IQSEC1: variants seen among roughly 807,000 people sequenced by gnomAD.
The protein encoded by IQSEC1 is IQ motif and Sec7 domain ArfGEF 1.
In IQSEC1, 31 loss-of-function variants were observed where a neutral mutation model predicts 91.0. That is an observed-to-expected ratio of 0.34 (90% CI 0.26 to 0.46). The LOEUF (loss-of-function observed/expected upper bound fraction) is 0.46, where lower values mean the gene tolerates loss of function less well. Among genes scored for constraint, IQSEC1 ranks in the 20% least tolerant of loss-of-function variants. The pLI, the probability that IQSEC1 is intolerant of heterozygous loss-of-function variation, is 1.00. For missense variants in IQSEC1, 1,388 were observed against 1,575.6 expected (o/e 0.88, Z 2.02); for synonymous variants, 699 against 662.6 (o/e 1.05, Z -0.84).
At chr3:13,120,695 C>T (rs919766623) in intron 2 of IQSEC1, among the ~76,000 whole-genome samples, 4 of 152,204 alleles carry the variant, frequency 2.6e-5, no homozygotes, top group African/African-American at 7.2e-5. Flanking sequence ...CGAGCAACGA[C>T]GGGCTGGCCA....
At chr3:13,254,227 G>A (rs1695247779) in intron 1 of IQSEC1, among the ~76,000 whole-genome samples, 1 of 152,246 alleles carries the variant, frequency 6.6e-6, no homozygotes, top group African/African-American at 2.4e-5. Flanking sequence ...TTTGATTGCA[G>A]ACTCAGCAAA....
chr3:13,217,207 A>G (rs1576298600), intron 1 of IQSEC1, among the ~76,000 whole-genome samples: 2 of 152,334 alleles, frequency 1.3e-5, no homozygotes, highest in East Asian at 3.9e-4. Flanking sequence ...TACCACCATA[A>G]TGTTAGATTT....
In IQSEC1 at chr3:13,133,160, G is replaced by A. The variant is rs1489333594; in HGVS notation, c.302+30944C>T. Among the ~76,000 whole-genome samples the A allele has an allele frequency of 2.0e-5, 3 of 152,218 alleles. No individual in the cohort carries two copies. In the East Asian group the frequency reaches 5.8e-4, roughly 29 times the overall value. ...CATCACTGCCCCTCACTCTGTCCAGGCTGTCTCGATTCTTGGATTCAGACT... is the reference window on the plus strand; with the variant it reads ...CATCACTGCCCCTCACTCTGTCCAGACTGTCTCGATTCTTGGATTCAGACT... On this transcript the variant is annotated intron_variant, in intron 2 of 15. Coordinates refer to the IQSEC1 transcript ENST00000648114.
chr3:13,167,483 T>C (rs781115276), intron 1 of IQSEC1, among the ~76,000 whole-genome samples: 1 of 151,894 alleles, frequency 6.6e-6, no homozygotes, highest in Non-Finnish European at 1.5e-5. Flanking sequence ...TGAAGGCTGC[T>C]CCTGGGGAGG....
chr3:13,117,289 G>GAAA (rs34963745), intron 2 of IQSEC1, among the ~76,000 whole-genome samples: 4 of 121,366 alleles, frequency 3.3e-5, no homozygotes, highest in Non-Finnish European at 3.5e-5. Flanking sequence ...CAGGTCATTA[G>GAAA]AAAAAAAAAA....
At chr3:13,104,385 C>T (rs1302647560) in intron 2 of IQSEC1, among the ~76,000 whole-genome samples, 1 of 152,140 alleles carries the variant, frequency 6.6e-6, no homozygotes, top group East Asian at 1.9e-4. Flanking sequence ...ACATTAGGGA[C>T]CCTCTAATTC....
intron 1 of IQSEC1, among the ~76,000 whole-genome samples, chr3:12,966,795 TGGGACGCCTGTTTGTTCA>T (rs1263384892): frequency 2.0e-5 from 3 of 152,154 alleles, no homozygotes; most frequent in African/African-American, 7.2e-5. Context: ...CTGACACACC[TGGGACGCCTGTTTGTTCA>T]GGGTCATCCA....
intron 2 of IQSEC1, among the ~76,000 whole-genome samples, chr3:13,123,666 C>A (rs1041480825): frequency 5.3e-4 from 80 of 152,354 alleles, no homozygotes; most frequent in African/African-American, 1.9e-3. Context: ...GTTTGCACCC[C>A]TTGATTGAGC....
intron 2 of IQSEC1, among the ~76,000 whole-genome samples, chr3:13,112,558 G>A (rs1036254999): frequency 5.3e-5 from 8 of 151,700 alleles, no homozygotes; most frequent in Admixed American, 5.2e-4. Context: ...TGGTCAGGGA[G>A]GGCTTCCCAG....
At chr3:13,065,672 A>AT (rs1705207079) in intron 1 of IQSEC1, among the ~76,000 whole-genome samples, 1 of 152,336 alleles carries the variant, frequency 6.6e-6, no homozygotes, top group Non-Finnish European at 1.5e-5. Flanking sequence ...GGAAAACAGT[A>AT]TGGCGGCTCT....
chr3:13,069,345 A>C (rs1420601649), intron 1 of IQSEC1, among the ~76,000 whole-genome samples: 1 of 152,100 alleles, frequency 6.6e-6, no homozygotes, highest in African/African-American at 2.4e-5. Flanking sequence ...GAACTGACCC[A>C]GCCAAGGTGA....
chr3:12,989,894 C>A (rs1430406947), intron 1 of IQSEC1, among the ~76,000 whole-genome samples: 1 of 152,200 alleles, frequency 6.6e-6, no homozygotes, highest in Non-Finnish European at 1.5e-5. Flanking sequence ...AAGAGTCCGG[C>A]TCTCTGACCT....
In IQSEC1 at chr3:12,908,879, A is replaced by AGGAGTAGACCTGGAGCCAG. The variant is rs756743142; in HGVS notation, c.2579-373_2579-355dup. On this transcript the variant is annotated intron_variant, in intron 11 of 13. Transcript: ENST00000613206. This position sits in a 1 kb window ranked among gnomAD's most constrained non-coding sequence, Gnocchi z 4.9. ...TGGTAGGGAGTCCCATGTGCCTCCA[A>AGGAGTAGACCTGGAGCCAG]GGAGTAGACCTGGAGCCAGGGAGTA... Among the ~76,000 whole-genome samples, 1 of 151,890 alleles carries AGGAGTAGACCTGGAGCCAG rather than the reference A, an allele frequency of 6.6e-6. No individual in the cohort carries two copies. Among genetic ancestry groups the AGGAGTAGACCTGGAGCCAG allele is most frequent in the African/African-American group, 2.4e-5 (1 of 41,332 alleles).
rs538740245 is a variant in IQSEC1 at position 13,161,078 on chromosome 3, G to A, written c.302+3026C>T. ...GGAAGGGATCTTCGGGGGGTGGAGT[G>A]GAGCATTTTCTAAACATAGGAAACA... On this transcript the variant is annotated intron_variant, in intron 2 of 15. Transcript: ENST00000648114. 2.6e-5 allele frequency among the ~76,000 whole-genome samples: 4 copies of A among 152,322 alleles called. No homozygotes were observed. The South Asian group carries it at 8.3e-4, about 32-fold the overall frequency.
At chr3:12,915,761 G>A (rs1284803726) in intron 6 of IQSEC1, 28 bp from the exon 7 acceptor site, 1 of 1,610,658 alleles carries the variant, frequency 6.2e-7, no homozygotes, top group Admixed American at 1.7e-5. Flanking sequence ...CTGGATATCA[G>A]GGTGGGCCCC....
At chr3:12,913,184 G>A (rs1695733611) in intron 9 of IQSEC1, among the ~76,000 whole-genome samples, 1 of 152,242 alleles carries the variant, frequency 6.6e-6, no homozygotes, top group Admixed American at 6.5e-5. Context: ...CAGCACACAG[G>A]AGTGCTGCTG....
At chr3:13,280,160 T>C (rs1004206997) in intron 1 of IQSEC1, among the ~76,000 whole-genome samples, 2 of 152,230 alleles carry the variant, frequency 1.3e-5, no homozygotes, top group African/African-American at 4.8e-5. Context: ...TGTCCCATGG[T>C]CACCGGCTGG....
chr3:13,110,034 C>T (rs946723890), intron 2 of IQSEC1, among the ~76,000 whole-genome samples: 3 of 151,658 alleles, frequency 2.0e-5, no homozygotes, highest in African/African-American at 7.3e-5. Flanking sequence ...AGATGGGCAC[C>T]ACCACACCCG....
chr3:13,182,111 C>G (rs1462396903), intron 1 of IQSEC1, among the ~76,000 whole-genome samples: 1 of 152,242 alleles, frequency 6.6e-6, no homozygotes, highest in African/African-American at 2.4e-5. Context: ...GCAGAGCTAC[C>G]TTTCAGAGAT....
Sources: allele counts gnomAD v4.1 joint callset (sites outside exome capture counted in the v4.1 genomes callset), GRCh38; gene constraint gnomAD v4.1.1; non-coding constraint Gnocchi (gnomAD v3.1); transcripts MANE v1.5; gene names NCBI Gene and HGNC (gene_info 2026-07-23, HGNC 2026-07-21).